The following SLCO1B3 variants were observed in gnomAD, a reference collection of about 807,000 sequenced individuals.
The protein encoded by SLCO1B3 is solute carrier organic anion transporter family member 1B3, also known as liver-specific organic anion transporter 2.
In SLCO1B3, 72 loss-of-function variants were observed where a neutral mutation model predicts 71.8. The observed-to-expected ratio is 1.00, with a 90% CI of 0.83 to 1.22. The LOEUF (loss-of-function observed/expected upper bound fraction) is 1.22. Ranked by LOEUF, SLCO1B3 falls within the 50% of genes most tolerant of loss-of-function variation. The pLI is 0.00. For missense variants in SLCO1B3, 911 were observed against 819.7 expected, an observed-to-expected ratio of 1.11 and a Z score of -1.36; for synonymous variants, 298 against 278.4, an observed-to-expected ratio of 1.07 and a Z score of -0.70.
At position 20,851,436 on chromosome 12, in the gene SLCO1B3, C is replaced by G. The variant is rs1416300114; in HGVS notation, c.85-3592C>G. 2.0e-5 allele frequency among the ~76,000 whole-genome samples: 3 copies of G among 152,208 alleles called. No homozygotes were observed. The East Asian group carries it at 5.8e-4, about 29-fold the overall frequency. On this transcript the variant is annotated intron_variant, in intron 3 of 15. Coordinates refer to ENST00000381545, the MANE Select transcript of SLCO1B3 (RefSeq NM_019844.4). ...TGATTAGTGATGTTGAGCATCTTTT[C>G]ATATGTTTATTGGCCATTTATACAT... is the stretch of plus-strand genomic sequence containing the variant.
intron 3 of SLCO1B3, among the ~76,000 whole-genome samples, chr12:20,817,415 T>A (rs1864211780): frequency 6.6e-6 from 1 of 152,176 alleles, no homozygotes; most frequent in African/African-American, 2.4e-5. Context: ...AGTTTCATCC[T>A]AGCACCATTT....
chr12:20,872,441 A>C (rs1042067714), intron 8 of SLCO1B3, among the ~76,000 whole-genome samples: 2 of 151,962 alleles, frequency 1.3e-5, no homozygotes, highest in African/African-American at 2.4e-5. Context: ...CTGAGCTGCT[A>C]CCTAAGGTGC....
At chr12:20,845,955 T>C (rs2121190952) in intron 3 of SLCO1B3, among the ~76,000 whole-genome samples, 1 of 144,882 alleles carries the variant, frequency 6.9e-6, no homozygotes, top group Non-Finnish European at 1.5e-5. Flanking sequence ...CTTCTATCAT[T>C]ATATAATCAT....
At chr12:20,830,597 G>C (rs1591748596) in intron 3 of SLCO1B3, among the ~76,000 whole-genome samples, 1 of 152,140 alleles carries the variant, frequency 6.6e-6, no homozygotes, top group East Asian at 1.9e-4. Context: ...AGGAACAAAA[G>C]AAAAAGCCGC....
intron 12 of SLCO1B3, among the ~76,000 whole-genome samples, chr12:20,881,437 C>T (rs1228851598): frequency 6.6e-6 from 1 of 152,114 alleles, no homozygotes; most frequent in Non-Finnish European, 1.5e-5. Context: ...TTTACGAGAA[C>T]AATAATCTAT....
chr12:20,863,725 C>T lies in SLCO1B3; in HGVS notation c.727+871C>T, dbSNP rs564527981. ...CCCAAACAACTTTCCAATTGATTAA[C>T]TGTTTCTCAATTTATCTTCAAAGCC... On this transcript the variant is annotated intron_variant, in intron 8 of 15. Coordinates refer to ENST00000381545, the MANE Select transcript of SLCO1B3 (RefSeq NM_019844.4). Among the ~76,000 whole-genome samples the T allele has an allele frequency of 9.2e-5, 14 of 152,222 alleles. 1 individual carries two copies. In the South Asian group the frequency reaches 2.9e-3, roughly 32 times the overall value.
chr12:20,831,140 C>A (rs560899865), intron 3 of SLCO1B3, among the ~76,000 whole-genome samples: 1 of 151,978 alleles, frequency 6.6e-6, no homozygotes, highest in African/African-American at 2.4e-5. Flanking sequence ...TGGCAGATCA[C>A]GAGGTTAGGA....
Position 20,879,532 on chromosome 12 carries a change from CA to C in SLCO1B3, c.1233del (p.Thr414LeufsTer3), listed in dbSNP as rs763903069. The C allele has an allele frequency of 3.1e-6, 5 of 1,611,866 alleles. No individual in the cohort carries two copies. In the Admixed American group the frequency reaches 8.4e-5, roughly 27 times the overall value. On this transcript the variant is annotated frameshift_variant, in exon 11 of 16. Coordinates refer to ENST00000381545, the MANE Select transcript of SLCO1B3 (RefSeq NM_019844.4). LOFTEE classifies it high-confidence loss of function. ...TCTTTAGTTGGAATTGCCAAATTTTCATTTCTTACTTCGATGATATCCTTCT... is the reference window on the plus strand; with the variant it reads ...TCTTTAGTTGGAATTGCCAAATTTTCTTTCTTACTTCGATGATATCCTTCT... Reference protein sequence around the residue: ...KLSLVGIAKFSFLTSMISFLF... With the variant: ...KLSLVGIAKFXFLTSMISFLF...
At chr12:20,867,636 C>T (rs1427937730) in intron 8 of SLCO1B3, among the ~76,000 whole-genome samples, 2 of 152,154 alleles carry the variant, frequency 1.3e-5, no homozygotes, top group African/African-American at 4.8e-5. Flanking sequence ...CAGAAGTGTT[C>T]TGATTATTCA....
chr12:20,876,385 C>G (rs995628684), intron 9 of SLCO1B3, among the ~76,000 whole-genome samples: 1 of 152,128 alleles, frequency 6.6e-6, no homozygotes, highest in Non-Finnish European at 1.5e-5. Flanking sequence ...GCAGTGCAAC[C>G]AACACTTAAA....
intron 9 of SLCO1B3, among the ~76,000 whole-genome samples, chr12:20,877,552 T>G (rs1037148611): frequency 1.3e-5 from 2 of 152,106 alleles, no homozygotes; most frequent in African/African-American, 4.8e-5. Flanking sequence ...TATGATTGTA[T>G]AGAAGTTCAG....
intron 3 of SLCO1B3, among the ~76,000 whole-genome samples, chr12:20,818,245 C>T (rs1176676173): frequency 6.6e-6 from 1 of 152,014 alleles, no homozygotes; most frequent in Non-Finnish European, 1.5e-5. Flanking sequence ...GGTGGCTGAG[C>T]TTGGTGAGGT....
At chr12:20,870,708 T>A (rs1473702234) in intron 8 of SLCO1B3, among the ~76,000 whole-genome samples, 1 of 152,208 alleles carries the variant, frequency 6.6e-6, no homozygotes, top group Non-Finnish European at 1.5e-5. Context: ...AGTACTGTAA[T>A]GTATTAATTA....
intron 15 of SLCO1B3, among the ~76,000 whole-genome samples, chr12:20,904,859 C>A (rs780451840): frequency 6.8e-6 from 1 of 147,748 alleles, no homozygotes; most frequent in Non-Finnish European, 1.5e-5. Context: ...CCGTAACCAC[C>A]GCCTCCTGGG....
chr12:20,877,749 A>G (rs773635166), intron 9 of SLCO1B3, 23 bp from the exon 10 acceptor site: 2 of 1,099,884 alleles, frequency 1.8e-6, no homozygotes, highest in Non-Finnish European at 2.5e-6. Context: ...TTATTGAAAT[A>G]TGTTATTTTT....
chr12:20,900,810 C>T (rs1413160713), intron 14 of SLCO1B3, among the ~76,000 whole-genome samples: 1 of 152,150 alleles, frequency 6.6e-6, no homozygotes, highest in Non-Finnish European at 1.5e-5. Flanking sequence ...GCTCGGAGCA[C>T]CCCGTGAAGC....
chr12:20,911,454 A>AT (rs921631803), intron 15 of SLCO1B3, among the ~76,000 whole-genome samples: 24 of 152,170 alleles, frequency 1.6e-4, no homozygotes, highest in African/African-American at 5.5e-4. Flanking sequence ...TGCTGACCTC[A>AT]TAGGAGACAG....
chr12:20,839,894 T>C (rs1054322675), intron 3 of SLCO1B3, among the ~76,000 whole-genome samples: 5 of 152,192 alleles, frequency 3.3e-5, no homozygotes, highest in African/African-American at 1.2e-4. Flanking sequence ...TTTTAATTGG[T>C]ATATTCTGAA....
intron 3 of SLCO1B3, among the ~76,000 whole-genome samples, chr12:20,816,614 A>G (rs890935407): frequency 5.3e-5 from 8 of 152,110 alleles, no homozygotes; most frequent in Non-Finnish European, 7.4e-5. Context: ...GCACACTTAC[A>G]TTGCTTCCAT....
Sources: allele counts gnomAD v4.1 joint callset (sites outside exome capture counted in the v4.1 genomes callset), GRCh38; gene constraint gnomAD v4.1.1; transcripts MANE v1.5; gene names NCBI Gene and HGNC (gene_info 2026-07-23, HGNC 2026-07-21).